Variants in SFMBT2 observed in about 807,000 individuals in gnomAD.
The protein encoded by SFMBT2 is Scm like with four mbt domains 2.
In SFMBT2, 38 loss-of-function variants were observed where a neutral mutation model predicts 110.1. The ratio of observed to expected loss-of-function variants is 0.35; its 90% CI spans 0.27 to 0.45. SFMBT2 has a LOEUF of 0.45. Ranked by LOEUF, SFMBT2 falls within the 20% of genes least tolerant of loss-of-function variation. SFMBT2 has a pLI of 1.00. For synonymous variants in SFMBT2, 425 were observed against 425.4 expected, an observed-to-expected ratio of 1.00 and a Z score of 0.01; for missense variants, 1,011 against 1,094.9, an observed-to-expected ratio of 0.92 and a Z score of 1.08.
intron 2 of SFMBT2, among the ~76,000 whole-genome samples, chr10:7,373,989 C>T (rs758436978): frequency 1.2e-4 from 19 of 152,160 alleles, no homozygotes; most frequent in Admixed American, 3.3e-4. Flanking sequence ...CGAGGCTGGG[C>T]GCAGTGGCTC....
intron 6 of SFMBT2, among the ~76,000 whole-genome samples, chr10:7,281,800 T>G (rs984820507): frequency 6.6e-6 from 1 of 152,200 alleles, no homozygotes; most frequent in Non-Finnish European, 1.5e-5. Flanking sequence ...ATGATTTAAA[T>G]ATCGGGGAAG....
At chr10:7,379,154 G>A (rs775908693) in intron 2 of SFMBT2, among the ~76,000 whole-genome samples, 27 of 152,014 alleles carry the variant, frequency 1.8e-4, no homozygotes, top group Non-Finnish European at 2.9e-4. Flanking sequence ...ACCTATCATC[G>A]CGAGTCAGTT....
chr10:7,372,472 G>T (rs879794635), intron 2 of SFMBT2, among the ~76,000 whole-genome samples: 1 of 152,226 alleles, frequency 6.6e-6, no homozygotes, highest in African/African-American at 2.4e-5. Flanking sequence ...TTTCCTTGGT[G>T]GTGCTCTAAC....
At chr10:7,388,524 A>AT (rs60231769) in intron 1 of SFMBT2, among the ~76,000 whole-genome samples, 6,294 of 112,114 alleles carry the variant, frequency 0.056, 211 homozygotes, top group Non-Finnish European at 0.083. Flanking sequence ...TACCCAGCTA[A>AT]TTTTTTTTTT....
chr10:7,254,723 G>A (rs543373479), intron 7 of SFMBT2, among the ~76,000 whole-genome samples: 2 of 152,270 alleles, frequency 1.3e-5, no homozygotes, highest in South Asian at 4.1e-4. Flanking sequence ...AGCTACTCAG[G>A]AGGCTGAGGC....
At chr10:7,333,848 C>T (rs1843636511) in intron 4 of SFMBT2, among the ~76,000 whole-genome samples, 1 of 150,780 alleles carries the variant, frequency 6.6e-6, no homozygotes, top group Admixed American at 6.7e-5. Flanking sequence ...TGTTAAATAT[C>T]GTCTTTCTTT....
At chr10:7,269,874 C>T (rs76158319) in intron 7 of SFMBT2, among the ~76,000 whole-genome samples, 9,612 of 150,672 alleles carry the variant, frequency 0.064, 420 homozygotes, top group Non-Finnish European at 0.09. Context: ...ACAGTTGGAT[C>T]CTCATCCCAT....
chr10:7,210,426 C>T (rs760410983), intron 11 of SFMBT2, among the ~76,000 whole-genome samples: 5 of 152,136 alleles, frequency 3.3e-5, no homozygotes, highest in Non-Finnish European at 5.9e-5. Flanking sequence ...CAGGAGGGAC[C>T]CAGGGCGAGG....
At chr10:7,317,309 T>A (rs951451118) in intron 4 of SFMBT2, among the ~76,000 whole-genome samples, 1 of 151,750 alleles carries the variant, frequency 6.6e-6, no homozygotes, top group East Asian at 1.9e-4. Context: ...GAATTTAAGA[T>A]CCTTATTTTT....
chr10:7,211,396 G>A (rs1839342643), intron 11 of SFMBT2, among the ~76,000 whole-genome samples: 1 of 152,122 alleles, frequency 6.6e-6, no homozygotes, highest in Non-Finnish European at 1.5e-5. Flanking sequence ...AATGGCAGCT[G>A]GAAAACCTGA....
At chr10:7,181,176 T>C (rs1317851606) in intron 16 of SFMBT2, among the ~76,000 whole-genome samples, 1 of 150,646 alleles carries the variant, frequency 6.6e-6, no homozygotes, top group African/African-American at 2.5e-5. Flanking sequence ...GAGGCGGGGG[T>C]TGCAGTTAGC....
At chr10:7,224,789 A>C (rs1839852313) in intron 10 of SFMBT2, among the ~76,000 whole-genome samples, 1 of 152,246 alleles carries the variant, frequency 6.6e-6, no homozygotes. Flanking sequence ...CAGACATGTT[A>C]TAATACTATA....
chr10:7,224,386 G>A (rs985421525), intron 10 of SFMBT2, among the ~76,000 whole-genome samples: 4 of 152,138 alleles, frequency 2.6e-5, no homozygotes, highest in Non-Finnish European at 4.4e-5. Context: ...TGGGGTTCCC[G>A]ATCCTGGCTC....
At chr10:7,232,682 G>A (rs1353645961) in intron 9 of SFMBT2, among the ~76,000 whole-genome samples, 1 of 152,202 alleles carries the variant, frequency 6.6e-6, no homozygotes, top group Non-Finnish European at 1.5e-5. Flanking sequence ...TACAATAATT[G>A]TTGGGTGGTG....
At chr10:7,214,599 C>T in intron 11 of SFMBT2, 1 of 985,508 alleles carries the variant, frequency 1.0e-6, no homozygotes, top group Non-Finnish European at 1.2e-6. Flanking sequence ...CTCAAACACA[C>T]TTGCAGAAAT....
At chr10:7,341,668 A>G (rs1843908537) in intron 4 of SFMBT2, among the ~76,000 whole-genome samples, 1 of 152,176 alleles carries the variant, frequency 6.6e-6, no homozygotes, top group Non-Finnish European at 1.5e-5. Context: ...CTACACACAC[A>G]TGTGCAGAAT....
chr10:7,188,579 G>C, intron 16 of SFMBT2, 45 bp downstream of exon 16: 1 of 1,443,606 alleles, frequency 6.9e-7, no homozygotes, highest in Non-Finnish European at 9.7e-7. Context: ...GTAGCATGGG[G>C]AAGTATTACA....
intron 4 of SFMBT2, among the ~76,000 whole-genome samples, chr10:7,317,310 C>T (rs1284404449): frequency 6.6e-6 from 1 of 152,114 alleles, no homozygotes; most frequent in Non-Finnish European, 1.5e-5. Flanking sequence ...AATTTAAGAT[C>T]CTTATTTTTA....
chr10:7,192,508 T>G (rs1026261079), intron 15 of SFMBT2, among the ~76,000 whole-genome samples: 1 of 152,184 alleles, frequency 6.6e-6, no homozygotes, highest in African/African-American at 2.4e-5. Flanking sequence ...TACATGTTGT[T>G]GTGAGTGATA....
Sources: allele counts gnomAD v4.1 joint callset (sites outside exome capture counted in the v4.1 genomes callset), GRCh38; gene constraint gnomAD v4.1.1; transcripts MANE v1.5; gene names NCBI Gene and HGNC (gene_info 2026-07-23, HGNC 2026-07-21).